The following DGKB variants were observed in gnomAD, a reference collection of about 807,000 sequenced individuals.
The protein encoded by DGKB is 90 kDa diacylglycerol kinase.
A neutral mutation model predicts 114.3 loss-of-function variants in DGKB; 67 were observed. The ratio of observed to expected loss-of-function variants is 0.59; its 90% CI spans 0.48 to 0.72. DGKB has a LOEUF of 0.72. Among genes scored for constraint, DGKB ranks in the 30% least tolerant of loss-of-function variants. DGKB has a pLI of 0.00. For missense variants in DGKB, 907 were observed against 975.2 expected, an observed-to-expected ratio of 0.93 and a Z score of 0.93; for synonymous variants, 398 against 323.1, an observed-to-expected ratio of 1.23 and a Z score of -2.49.
intron 2 of DGKB, among the ~76,000 whole-genome samples, chr7:14,768,207 G>A (rs1035328543): frequency 1.3e-5 from 2 of 152,010 alleles, no homozygotes; most frequent in East Asian, 3.9e-4. Context: ...TTTACCTTGT[G>A]ACTTTATGCA....
chr7:14,390,847 G>A (rs773089633), intron 21 of DGKB, among the ~76,000 whole-genome samples: 28 of 152,072 alleles, frequency 1.8e-4, no homozygotes, highest in Non-Finnish European at 3.4e-4. Flanking sequence ...GAATTTAGAA[G>A]GTAGAATATG....
intron 8 of DGKB, among the ~76,000 whole-genome samples, chr7:14,694,578 C>A (rs1202875374): frequency 5.9e-5 from 9 of 152,156 alleles, no homozygotes; most frequent in African/African-American, 2.2e-4. Flanking sequence ...TCATATAATT[C>A]TTTGCTAAGT....
intron 21 of DGKB, among the ~76,000 whole-genome samples, chr7:14,452,999 T>C (rs550552821): frequency 3.3e-5 from 5 of 152,260 alleles, no homozygotes; most frequent in South Asian, 4.1e-4. Context: ...GGCTTAAACA[T>C]TGTAACGTGG....
intron 4 of DGKB, 73 bp downstream of exon 4, chr7:14,753,855 G>T: frequency 1.1e-6 from 1 of 943,054 alleles, no homozygotes; most frequent in Non-Finnish European, 1.7e-6. Flanking sequence ...CAGTGATATG[G>T]ATGAGAAATT....
Position 14,617,199 on chromosome 7 carries a change from T to C in DGKB, c.1285-3786A>G, listed in dbSNP as rs77846611. ...TTTTCTTCTAATTTCTAGGTTCACA[T>C]ATTGGTCTACCTACTTGATATTTTT... On this transcript the variant is annotated intron_variant, in intron 15 of 25. Coordinates refer to ENST00000402815, the MANE Select transcript of DGKB (RefSeq NM_001350709.2). Among the ~76,000 whole-genome samples, 6 of 151,800 alleles carry C rather than the reference T, an allele frequency of 4.0e-5. No individual in the cohort carries two copies. The East Asian group carries it at 1.2e-3, about 29-fold the overall frequency.
At chr7:14,730,977 C>A (rs1310730028) in intron 5 of DGKB, among the ~76,000 whole-genome samples, 1 of 152,098 alleles carries the variant, frequency 6.6e-6, no homozygotes. Flanking sequence ...GAAGTCAGGG[C>A]CTGCTCTGAG....
At chr7:14,698,018 A>C in intron 8 of DGKB, 77 bp downstream of exon 8, 1 of 742,562 alleles carries the variant, frequency 1.3e-6, no homozygotes. Context: ...AGAAAGAAAG[A>C]GAAAGAAAGA....
chr7:14,426,991 C>T (rs111294818), intron 21 of DGKB, among the ~76,000 whole-genome samples: 1 of 151,836 alleles, frequency 6.6e-6, no homozygotes, highest in Non-Finnish European at 1.5e-5. Flanking sequence ...ACCCAGGAGA[C>T]GGAGGTTACA....
At chr7:14,659,159 T>A (rs1431569757) in intron 13 of DGKB, among the ~76,000 whole-genome samples, 1 of 151,896 alleles carries the variant, frequency 6.6e-6, no homozygotes, top group Non-Finnish European at 1.5e-5. Context: ...TCTTAAAGGC[T>A]CATCAGATAT....
chr7:14,854,480 T>G (rs1849838622), intron 1 of DGKB, among the ~76,000 whole-genome samples: 1 of 152,156 alleles, frequency 6.6e-6, no homozygotes, highest in Non-Finnish European at 1.5e-5. Flanking sequence ...GGAGATGGTT[T>G]TGGGATGAAA....
At position 14,515,479 on chromosome 7, in the gene DGKB, C is replaced by A. The variant is rs571590652; in HGVS notation, c.1771-37254G>T. On this transcript the variant is annotated intron_variant, in intron 20 of 25. Transcript: ENST00000402815. ...TAAGTCAGAAACTGAATCAAACAATCTAACATGTTTAATAATTAAAATATA... is the reference window on the plus strand; with the variant it reads ...TAAGTCAGAAACTGAATCAAACAATATAACATGTTTAATAATTAAAATATA... Among the ~76,000 whole-genome samples the A allele has an allele frequency of 3.7e-4, 57 of 152,274 alleles. 1 individual carries two copies. The South Asian group carries it at 0.011, about 30-fold the overall frequency.
chr7:14,373,072 G>C (rs571724370), intron 21 of DGKB, among the ~76,000 whole-genome samples: 2 of 152,280 alleles, frequency 1.3e-5, no homozygotes, highest in African/African-American at 4.8e-5. Flanking sequence ...GCCCACATGA[G>C]ATTCACTGGA....
At chr7:14,845,694 G>T (rs930541579) in intron 1 of DGKB, among the ~76,000 whole-genome samples, 1 of 152,100 alleles carries the variant, frequency 6.6e-6, no homozygotes, top group East Asian at 1.9e-4. Flanking sequence ...AAAAGGTTGA[G>T]TGGAAGAATT....
intron 1 of DGKB, among the ~76,000 whole-genome samples, chr7:14,880,599 T>A (rs1854072442): frequency 6.6e-6 from 1 of 152,214 alleles, no homozygotes; most frequent in African/African-American, 2.4e-5. Context: ...TTGGATTGCA[T>A]CCTCATGCCA....
At chr7:14,750,658 AAT>A (rs1833967338) in intron 4 of DGKB, among the ~76,000 whole-genome samples, 1 of 152,180 alleles carries the variant, frequency 6.6e-6, no homozygotes, top group East Asian at 1.9e-4. Context: ...TTCACCTAAA[AAT>A]ATGATTTATA....
chr7:14,931,333 A>C (rs146151447), intron 1 of DGKB, among the ~76,000 whole-genome samples: 4,000 of 152,206 alleles, frequency 0.026, 83 homozygotes, highest in Non-Finnish European at 0.041. Context: ...GCTGGTCTCA[A>C]ACTCCTGACC....
chr7:14,281,798 G>T, intron 23 of DGKB, among the ~76,000 whole-genome samples: 1 of 150,882 alleles, frequency 6.6e-6, no homozygotes, highest in African/African-American at 2.4e-5. Context: ...AAATAAAGAT[G>T]TTCTTTGAAA....
At chr7:14,323,378 G>A (rs552810609) in intron 23 of DGKB, among the ~76,000 whole-genome samples, 32 of 151,942 alleles carry the variant, frequency 2.1e-4, no homozygotes, top group Non-Finnish European at 3.5e-4. Flanking sequence ...ATTCATTGAC[G>A]GTACATATAA....
intron 4 of DGKB, among the ~76,000 whole-genome samples, chr7:14,738,981 T>G (rs1832144953): frequency 6.6e-6 from 1 of 152,218 alleles, no homozygotes; most frequent in South Asian, 2.1e-4. Flanking sequence ...ACCACCTAAC[T>G]GATAAGGGGC....
Sources: gnomAD v4.1 joint callset for allele counts (sites outside exome capture counted in the v4.1 genomes callset) on GRCh38, gnomAD v4.1.1 for gene constraint, MANE v1.5 for transcripts, NCBI Gene and HGNC (gene_info 2026-07-23, HGNC 2026-07-21) for gene names.